JADE1: variants seen among roughly 807,000 people sequenced by gnomAD.
JADE1 encodes the protein jade family PHD finger 1.
A neutral mutation model predicts 81.8 loss-of-function variants in JADE1; 14 were observed. The ratio of observed to expected loss-of-function variants is 0.17; its 90% confidence interval spans 0.11 to 0.27. JADE1 has a LOEUF of 0.27. Ranked by LOEUF, JADE1 falls within the 10% of genes least tolerant of loss-of-function variation. The pLI, the probability that JADE1 is intolerant of heterozygous loss-of-function variation, is 1.00. For synonymous variants in JADE1, 353 were observed against 391.9 expected (o/e 0.90, Z 1.17); for missense variants, 690 against 1,047.9 (o/e 0.66, Z 4.71).
intron 1 of JADE1, among the ~76,000 whole-genome samples, chr4:128,830,178 G>T (rs558261822): frequency 3.3e-5 from 5 of 150,668 alleles, no homozygotes; most frequent in Non-Finnish European, 7.4e-5. Flanking sequence ...ACCCAGCCCG[G>T]TTTTCCACAT....
intron 8 of JADE1, among the ~76,000 whole-genome samples, chr4:128,860,875 G>A (rs947735960): frequency 2.0e-5 from 3 of 152,192 alleles, no homozygotes; most frequent in Non-Finnish European, 2.9e-5. Flanking sequence ...CAGGATCGGC[G>A]TGCACCGATC....
At chr4:128,811,557 G>A (rs1266544928) in intron 1 of JADE1, among the ~76,000 whole-genome samples, 1 of 151,054 alleles carries the variant, frequency 6.6e-6, no homozygotes, top group Non-Finnish European at 1.5e-5. Context: ...TGGAAATGGG[G>A]GCGGGCGGCG....
At chr4:128,824,165 T>C (rs1265267359) in intron 1 of JADE1, among the ~76,000 whole-genome samples, 1 of 152,164 alleles carries the variant, frequency 6.6e-6, no homozygotes, top group African/African-American at 2.4e-5. Flanking sequence ...ACGCCTGTAA[T>C]CCCAGCACTT....
At chr4:128,815,977 A>G (rs1349047722) in intron 1 of JADE1, among the ~76,000 whole-genome samples, 1 of 151,282 alleles carries the variant, frequency 6.6e-6, no homozygotes, top group African/African-American at 2.4e-5. Context: ...TCCCTTGTAC[A>G]AGCCTTTAGA....
chr4:128,849,265 C>A lies in JADE1; in HGVS notation c.484+98C>A, dbSNP rs17013815. ...GCAGAAAGCTCCTTATTGCCAGTTGCAGGCAGCTCCATCATAGCTTTAGTC... is the reference window on the plus strand; with the variant it reads ...GCAGAAAGCTCCTTATTGCCAGTTGAAGGCAGCTCCATCATAGCTTTAGTC... On this transcript the variant is annotated intron_variant, in intron 5 of 10. Coordinates refer to ENST00000226319, the MANE Select transcript of JADE1 (RefSeq NM_199320.4). 7.4e-3 allele frequency: 7,253 copies of A among 984,416 alleles called. 195 individuals are homozygous for A. In the African/African-American group the frequency reaches 0.076, roughly 10 times the overall value. 61.0% of individuals were successfully genotyped at this position (984,416 alleles called of 1,614,324 possible). A position where few individuals can be genotyped will look rare whatever the true frequency, so the allele number is the denominator to read the frequency against.
chr4:128,868,105 G>A, intron 10 of JADE1, 132 bp downstream of exon 10: 1 of 521,898 alleles, frequency 1.9e-6, no homozygotes, highest in Non-Finnish European at 3.4e-6. Flanking sequence ...CATATTTAAA[G>A]GAAGTCTTTA....
chr4:128,866,629 T>C (rs934239551), intron 9 of JADE1, among the ~76,000 whole-genome samples: 1 of 152,232 alleles, frequency 6.6e-6, no homozygotes, highest in Non-Finnish European at 1.5e-5. Flanking sequence ...TTGGACTTTT[T>C]CCACTTAAAG....
intron 2 of JADE1, 148 bp downstream of exon 2, chr4:128,831,958 T>G: frequency 1.4e-6 from 1 of 720,184 alleles, no homozygotes; most frequent in African/African-American, 1.7e-5. Context: ...CGTACCTGAG[T>G]GTGATACTGC....
At chr4:128,821,139 A>G (rs866186671) in intron 1 of JADE1, among the ~76,000 whole-genome samples, 58 of 152,372 alleles carry the variant, frequency 3.8e-4, no homozygotes, top group African/African-American at 1.3e-3. Flanking sequence ...AGAATGGAAC[A>G]CAAACTCCTG....
intron 4 of JADE1, 119 bp from the exon 5 acceptor site, chr4:128,848,861 C>A: frequency 1.1e-6 from 1 of 920,042 alleles, no homozygotes; most frequent in Non-Finnish European, 1.7e-6. Context: ...GGTTTTCAGC[C>A]TCTGGTGATG....
intron 1 of JADE1, among the ~76,000 whole-genome samples, chr4:128,818,648 G>A (rs1368604500): frequency 3.9e-5 from 6 of 152,132 alleles, no homozygotes; most frequent in Non-Finnish European, 7.4e-5. Flanking sequence ...ATGGTCTGTC[G>A]CAACTGCTCA....
At chr4:128,869,684 A>C (rs1732045541) in intron 10 of JADE1, among the ~76,000 whole-genome samples, 1 of 152,228 alleles carries the variant, frequency 6.6e-6, no homozygotes, top group Admixed American at 6.5e-5. Context: ...TTGTGGTAAC[A>C]GAGCTGTAAT....
In JADE1 at chr4:128,846,287, G is replaced by A; in HGVS notation, c.139-88G>A. On this transcript the variant is annotated intron_variant, in intron 3 of 10. Coordinates refer to ENST00000226319, the MANE Select transcript of JADE1 (RefSeq NM_199320.4). This position sits in a 1 kb window ranked among gnomAD's most constrained non-coding sequence, Gnocchi z 4.0. The stretch of plus-strand genomic sequence containing the variant: ...TGTTGATACAGTGACCTTGTTACAT[G>A]GCAGCTCCATGGTTACATTGCAGCT... The A allele has an allele frequency of 1.5e-6, 2 of 1,311,030 alleles. No homozygotes were observed. Among genetic ancestry groups the A allele is most frequent in the Non-Finnish European group, 2.2e-6 (2 of 924,058 alleles). 81.2% of individuals were successfully genotyped at this position (1,311,030 alleles called of 1,614,324 possible).
intron 1 of JADE1, among the ~76,000 whole-genome samples, chr4:128,828,178 G>A (rs1047185917): frequency 6.6e-6 from 1 of 152,224 alleles, no homozygotes; most frequent in African/African-American, 2.4e-5. Context: ...AATGTTTGTC[G>A]GCTGCATTAT....
chr4:128,847,215 G>C (rs1176248905), intron 4 of JADE1, among the ~76,000 whole-genome samples: 1 of 152,198 alleles, frequency 6.6e-6, no homozygotes, highest in Non-Finnish European at 1.5e-5. Context: ...AGTCCTGTTA[G>C]GAGGGAGGCT....
Position 128,852,525 on chromosome 4 carries a change from T to C in JADE1, c.696+257T>C, listed in dbSNP as rs115104932. Among the ~76,000 whole-genome samples the C allele has an allele frequency of 5.5e-3, 834 of 152,312 alleles. 12 individuals are homozygous for C. The highest frequency in any genetic ancestry group is 0.019 in the African/African-American group (781 of 41,554). ...CTTCACAGTGTTTTATTCTTATCCA[T>C]AAAAGTCAAGTTTACTTAAAAAGAA... On this transcript the variant is annotated intron_variant, in intron 6 of 10. Transcript: ENST00000226319.
intron 6 of JADE1, among the ~76,000 whole-genome samples, chr4:128,854,608 C>T (rs149329253): frequency 9.2e-5 from 14 of 152,256 alleles, no homozygotes; most frequent in African/African-American, 3.1e-4. Context: ...CTCTTTGCAT[C>T]GTCGTGGGTA....
At chr4:128,833,254 G>A (rs1003840250) in intron 2 of JADE1, among the ~76,000 whole-genome samples, 1 of 152,124 alleles carries the variant, frequency 6.6e-6, no homozygotes, top group South Asian at 2.1e-4. Context: ...GTTTTCTAAC[G>A]TTTATAGTTT....
chr4:128,843,650 A>G (rs1362130453), intron 3 of JADE1, among the ~76,000 whole-genome samples: 2 of 152,162 alleles, frequency 1.3e-5, no homozygotes, highest in Non-Finnish European at 2.9e-5. Context: ...AGGTCTGTTT[A>G]TTCTAAAGAC....
Sources: allele counts gnomAD v4.1 joint callset (sites outside exome capture counted in the v4.1 genomes callset), GRCh38; gene constraint gnomAD v4.1.1; non-coding constraint Gnocchi (gnomAD v3.1); transcripts MANE v1.5; gene names NCBI Gene and HGNC (gene_info 2026-07-23, HGNC 2026-07-21).